The following CDH26 variants were observed in gnomAD, a reference collection of about 807,000 sequenced individuals.
The protein encoded by CDH26 is cadherin-like protein 26.
CDH26 carries 83 observed loss-of-function variants against 90.3 expected under a neutral mutation model. The ratio of observed to expected loss-of-function variants is 0.92; its 90% CI spans 0.77 to 1.10. The LOEUF (loss-of-function observed/expected upper bound fraction) is 1.10. CDH26 is among the 50% of genes least tolerant of loss of function. The probability of loss-of-function intolerance (pLI) is 0.00; values close to 1 mark genes in which losing one functional copy is unlikely to be tolerated. For synonymous variants in CDH26, 397 were observed against 396.3 expected, an observed-to-expected ratio of 1.00 and a Z score of -0.02; for missense variants, 1,013 against 1,037.6, an observed-to-expected ratio of 0.98 and a Z score of 0.33.
chr20:60,008,148 G>T (rs1179396076), intron 17 of CDH26, among the ~76,000 whole-genome samples: 1 of 152,148 alleles, frequency 6.6e-6, no homozygotes, highest in African/African-American at 2.4e-5. Context: ...GGGAACTCAG[G>T]CCTATGGAAT....
chr20:59,987,595 C>T lies in CDH26; in HGVS notation c.980C>T (p.Ser327Leu), dbSNP rs763227887. 26 of 1,613,662 alleles carry T rather than the reference C, an allele frequency of 1.6e-5. No homozygotes were observed. Among genetic ancestry groups the T allele is most frequent in the African/African-American group, 8.0e-5 (6 of 74,878 alleles). ...AATGAAGAGGGGCATTTTGACATTT[C>T]GACTGACCCTGAGACCAACGAAGGG... ...HGNEEGHFDI[S>L]TDPETNEGIL... The change falls in exon 8 of 18, where the codon TCG (serine) becomes TTG (leucine). Residue 327 changes from serine (S) to leucine (L), a missense_variant. Physicochemically the swap from Ser to Leu is moderately radical, Grantham distance 145. Transcript: ENST00000348616.
At chr20:59,983,455 C>A (rs550431295) in intron 5 of CDH26, among the ~76,000 whole-genome samples, 3 of 152,270 alleles carry the variant, frequency 2.0e-5, no homozygotes, top group Non-Finnish European at 4.4e-5. Flanking sequence ...TTAAACCCAA[C>A]CGACTCTTAC....
chr20:60,001,221 A>C, intron 14 of CDH26, 122 bp from the exon 15 acceptor site: 2 of 1,178,664 alleles, frequency 1.7e-6, no homozygotes, highest in Non-Finnish European at 1.2e-6. Context: ...TCATCGTGTT[A>C]ATTTGTGTTT....
At chr20:59,979,326 GTA>G (rs2061365907) in intron 4 of CDH26, among the ~76,000 whole-genome samples, 1 of 151,368 alleles carries the variant, frequency 6.6e-6, no homozygotes, top group South Asian at 2.1e-4. Context: ...AGTCTACTGA[GTA>G]CCTGGGACTA....
intron 1 of CDH26, among the ~76,000 whole-genome samples, chr20:59,966,369 C>T (rs1479635285): frequency 6.6e-6 from 1 of 152,132 alleles, no homozygotes; most frequent in Non-Finnish European, 1.5e-5. Flanking sequence ...CATCCACTCA[C>T]GAAGAGTGTT....
chr20:59,969,118 C>A, intron 2 of CDH26, 95 bp downstream of exon 2: 1 of 739,300 alleles, frequency 1.4e-6, no homozygotes, highest in South Asian at 1.7e-5. Context: ...AGTGCCCTGC[C>A]AATGTTTGGT....
At chr20:60,019,782 T>G (rs1206571665) in intron 7 of CDH26, among the ~76,000 whole-genome samples, 2 of 152,230 alleles carry the variant, frequency 1.3e-5, no homozygotes, top group Non-Finnish European at 1.5e-5. Context: ...TTGTGTTTAA[T>G]GTGTCCCTGC....
chr20:59,993,952 C>T (rs1393072442), intron 10 of CDH26, among the ~76,000 whole-genome samples: 1 of 152,124 alleles, frequency 6.6e-6, no homozygotes, highest in Non-Finnish European at 1.5e-5. Flanking sequence ...CTCCACCCCA[C>T]CCATCCTTGA....
Position 60,033,773 on chromosome 20 carries a change from A to ATGTGTGTGTGTGTGTGTGTGTG in CDH26, c.*108_*129dup, listed in dbSNP as rs3043443. On this transcript the variant is annotated 3_prime_UTR_variant, in exon 9 of 9. Transcript: ENST00000370991. ...GATGGCAATTATCCAGGTAGACAAG[A>ATGTGTGTGTGTGTGTGTGTGTG]TGTGTGTGTGTGTGTGTGTGTGTGT... 3.9e-5 allele frequency: 35 copies of ATGTGTGTGTGTGTGTGTGTGTG among 900,778 alleles called. 1 individual carries two copies. Among genetic ancestry groups the ATGTGTGTGTGTGTGTGTGTGTG allele is most frequent in the Admixed American group, 2.8e-4 (7 of 24,654 alleles). The allele number at this position is 900,778 out of a possible 1,614,324, so 55.8% of individuals were successfully genotyped here. A position where few individuals can be genotyped will look rare whatever the true frequency, so the allele number is the denominator to read the frequency against.
intron 17 of CDH26, among the ~76,000 whole-genome samples, chr20:60,011,492 G>A (rs530390178): frequency 1.6e-4 from 24 of 152,272 alleles, no homozygotes; most frequent in Non-Finnish European, 2.9e-4. Flanking sequence ...TGATACCATC[G>A]AAATCATCTA....
In CDH26 at chr20:60,030,409, TG is replaced by T. The variant is rs1180874013; in HGVS notation, c.948-821del. The stretch of plus-strand genomic sequence containing the variant: ...TTGTTTGCTTTTTTTTGTTTTGTTT[TG>T]TTTTTGTTTTTTTCAGTATCCCTTC... On this transcript the variant is annotated intron_variant, in intron 7 of 8. Transcript: ENST00000370991. This position sits in a 1 kb window ranked among gnomAD's most constrained non-coding sequence, Gnocchi z 4.0. Among the ~76,000 whole-genome samples the T allele has an allele frequency of 6.6e-6, 1 of 152,224 alleles. No individual in the cohort carries two copies. Among genetic ancestry groups the T allele is most frequent in the Admixed American group, 6.5e-5 (1 of 15,288 alleles).
chr20:59,996,248 C>G, intron 12 of CDH26, 194 bp downstream of exon 12: 1 of 1,063,056 alleles, frequency 9.4e-7, no homozygotes, highest in Non-Finnish European at 1.3e-6. Flanking sequence ...GATCCCTGGC[C>G]AGCAAAAGCA....
rs1364054204 is a variant in CDH26 at position 59,967,870 on chromosome 20, T to TC, written c.70-1097_70-1096insC. 2.2e-4 allele frequency among the ~76,000 whole-genome samples: 23 copies of TC among 105,648 alleles called. 1 individual carries two copies. Among genetic ancestry groups the TC allele is most frequent in the African/African-American group, 1.4e-3 (23 of 16,362 alleles). 69.3% of individuals were successfully genotyped at this position (105,648 alleles called of 152,430 possible). On this transcript the variant is annotated intron_variant, in intron 1 of 17. Coordinates refer to ENST00000348616, the MANE Select transcript of CDH26 (RefSeq NM_177980.4). The stretch of plus-strand genomic sequence containing the variant: ...CTTTCTTTCTTTCTTTCTTTCTTTC[T>TC]TTCTTTCTTCCTTCCTTCCTTCCTT...
intron 9 of CDH26, among the ~76,000 whole-genome samples, chr20:59,990,585 G>A (rs918079352): frequency 2.6e-5 from 4 of 152,192 alleles, no homozygotes; most frequent in Admixed American, 6.5e-5. Flanking sequence ...TGATAAGTTT[G>A]CAAAATATAA....
At chr20:59,986,785 G>A (rs376566901) in intron 7 of CDH26, among the ~76,000 whole-genome samples, 6 of 151,956 alleles carry the variant, frequency 3.9e-5, no homozygotes, top group South Asian at 2.1e-4. Flanking sequence ...AAAAGGTGTC[G>A]TTTAATTAGA....
chr20:60,029,800 G>T (rs939255767), intron 7 of CDH26, among the ~76,000 whole-genome samples: 1 of 152,008 alleles, frequency 6.6e-6, no homozygotes, highest in African/African-American at 2.4e-5. Context: ...CCACATCCCC[G>T]CAAAGGACAT....
intron 7 of CDH26, chr20:59,986,179 G>GC (rs2061456772): frequency 6.6e-6 from 1 of 152,250 alleles, no homozygotes; most frequent in South Asian, 2.1e-4. Context: ...GGGAAGGTGA[G>GC]CAGGTAGGCT....
At chr20:59,989,375 A>C (rs528846688) in intron 9 of CDH26, among the ~76,000 whole-genome samples, 8 of 150,588 alleles carry the variant, frequency 5.3e-5, no homozygotes, top group East Asian at 2.0e-4. Context: ...AAAAATACAA[A>C]AAATTAGCCG....
rs759213180 is a variant in CDH26 at position 59,996,732 on chromosome 20, A to AT, written c.1990_1991insT (p.Asn664IlefsTer16). 49 of 1,614,136 alleles carry AT rather than the reference A, an allele frequency of 3.0e-5. No homozygotes were observed. Among genetic ancestry groups the AT allele is most frequent in the Middle Eastern group, 1.6e-4 (1 of 6,084 alleles). On this transcript the variant is annotated frameshift_variant, in exon 13 of 18. Coordinates refer to ENST00000348616, the MANE Select transcript of CDH26 (RefSeq NM_177980.4). LOFTEE classifies it high-confidence loss of function. The stretch of plus-strand genomic sequence containing the variant: ...AGGCCACCAAACACTGGTCATGTAT[A>AT]ATGCGGAGAGCAAAGGCACTTCAGC...
Sources: allele counts gnomAD v4.1 joint callset (sites outside exome capture counted in the v4.1 genomes callset), GRCh38; gene constraint gnomAD v4.1.1; non-coding constraint Gnocchi (gnomAD v3.1); transcripts MANE v1.5; gene names NCBI Gene and HGNC (gene_info 2026-07-23, HGNC 2026-07-21).